Variants in CNTNAP4 observed in about 807,000 individuals in gnomAD.
CNTNAP4 encodes contactin associated protein family member 4.
A neutral mutation model predicts 148.4 loss-of-function variants in CNTNAP4; 98 were observed. The observed-to-expected ratio is 0.66, with a 90% confidence interval of 0.56 to 0.78. CNTNAP4 has a LOEUF of 0.78. Ranked by LOEUF, CNTNAP4 falls within the 30% of genes least tolerant of loss-of-function variation. The pLI is 0.00. For missense variants in CNTNAP4, 1,935 were observed against 1,565.6 expected, an observed-to-expected ratio of 1.24 and a Z score of -3.98; for synonymous variants, 730 against 565.1, an observed-to-expected ratio of 1.29 and a Z score of -4.14.
In CNTNAP4 at chr16:76,521,181, T is replaced by A. The variant is rs767922695; in HGVS notation, c.2407T>A (p.Tyr803Asn). 102 of 1,610,312 alleles carry A rather than the reference T, an allele frequency of 6.3e-5. No individual in the cohort carries two copies. The highest frequency in any genetic ancestry group is 8.4e-5 in the Non-Finnish European group (99 of 1,178,952). ...AGCTTCCTTTGATACCGAGGCTTCA[T>A]ATCTTCATTTTCCTACCTTCCACGG... ...NSASFDTEAS[Y>N]LHFPTFHGEL... The change falls in exon 16 of 24, where the codon TAT becomes AAT. Residue 803 changes from tyrosine to asparagine, a missense_variant. By Grantham distance (143) the Tyr-to-Asn change is moderately radical. Transcript: ENST00000611870.
At chr16:76,349,326 C>T (rs1475846489) in intron 2 of CNTNAP4, among the ~76,000 whole-genome samples, 1 of 152,084 alleles carries the variant, frequency 6.6e-6, no homozygotes, top group Non-Finnish European at 1.5e-5. Flanking sequence ...GGTCACCTGC[C>T]CATCCCTGAA....
At chr16:76,338,974 T>C (rs1381841588) in intron 2 of CNTNAP4, among the ~76,000 whole-genome samples, 1 of 152,176 alleles carries the variant, frequency 6.6e-6, no homozygotes, top group Non-Finnish European at 1.5e-5. Flanking sequence ...CTGATAAATA[T>C]ATTGATCACA....
chr16:76,368,741 C>G (rs1257414308), intron 3 of CNTNAP4, among the ~76,000 whole-genome samples: 1 of 152,108 alleles, frequency 6.6e-6, no homozygotes, highest in African/African-American at 2.4e-5. Flanking sequence ...TTGATGGGTG[C>G]AGCAAACCAC....
At chr16:76,449,068 G>A in intron 6 of CNTNAP4, 117 bp downstream of exon 6, 2 of 972,912 alleles carry the variant, frequency 2.1e-6, no homozygotes, top group Non-Finnish European at 3.1e-6. Flanking sequence ...AACAGGTGAA[G>A]CATTTCCCAA....
At chr16:76,460,684 C>T (rs529670851) in intron 8 of CNTNAP4, among the ~76,000 whole-genome samples, 2 of 135,340 alleles carry the variant, frequency 1.5e-5, no homozygotes, top group Admixed American at 1.6e-4. Context: ...ACCTGGGAGG[C>T]AGAGCTTGCA....
chr16:76,510,901 T>C (rs1418900683), intron 15 of CNTNAP4, among the ~76,000 whole-genome samples: 1 of 152,148 alleles, frequency 6.6e-6, no homozygotes, highest in Admixed American at 6.5e-5. Context: ...TCTGAGGCCA[T>C]ACTGGTTTTT....
intron 3 of CNTNAP4, among the ~76,000 whole-genome samples, chr16:76,403,965 T>C (rs923650545): frequency 3.9e-5 from 6 of 152,052 alleles, no homozygotes; most frequent in Non-Finnish European, 8.8e-5. Context: ...CCAAATACCA[T>C]ATGTTCTTAT....
Position 76,529,635 on chromosome 16 carries a change from A to C in CNTNAP4, c.2756-5910A>C, listed in dbSNP as rs148218922. Among the ~76,000 whole-genome samples the C allele has an allele frequency of 4.6e-3, 705 of 152,288 alleles. 4 individuals are homozygous for C. Among genetic ancestry groups the C allele is most frequent in the African/African-American group, 0.017 (686 of 41,560 alleles). ...CTGACAGGTTTTCAAACGGGGCTAA[A>C]TTTATTTCAGTACTTTGTGACTCTC... On this transcript the variant is annotated intron_variant, in intron 17 of 23. Coordinates refer to ENST00000611870, the MANE Select transcript of CNTNAP4 (RefSeq NM_033401.5).
At chr16:76,297,229 A>T (rs1410271656) in intron 1 of CNTNAP4, among the ~76,000 whole-genome samples, 9 of 152,172 alleles carry the variant, frequency 5.9e-5, no homozygotes, top group South Asian at 2.1e-4. Flanking sequence ...AGATTTCATC[A>T]TTTCTAAAAC....
chr16:76,463,475 G>A (rs573561244), intron 9 of CNTNAP4, among the ~76,000 whole-genome samples: 2 of 152,054 alleles, frequency 1.3e-5, no homozygotes, highest in Admixed American at 6.6e-5. Flanking sequence ...TAATTTTATA[G>A]TAAAATATAT....
intron 3 of CNTNAP4, among the ~76,000 whole-genome samples, chr16:76,394,922 G>A (rs1194777032): frequency 6.6e-6 from 1 of 151,934 alleles, no homozygotes; most frequent in East Asian, 1.9e-4. Flanking sequence ...TTTACTTAGG[G>A]CTCTGTGACT....
chr16:76,378,734 T>C (rs2015678218), intron 3 of CNTNAP4, among the ~76,000 whole-genome samples: 1 of 152,162 alleles, frequency 6.6e-6, no homozygotes, highest in Non-Finnish European at 1.5e-5. Context: ...TAAGATTCCA[T>C]ATAGAACACA....
At chr16:76,510,102 A>C (rs1369030189) in intron 15 of CNTNAP4, among the ~76,000 whole-genome samples, 1 of 41,100 alleles carries the variant, frequency 2.4e-5, no homozygotes, top group Admixed American at 2.9e-4. Flanking sequence ...CATTTTTATC[A>C]CCCCCAAAGT....
rs377391768 is a variant in CNTNAP4, at chr16:76,392,029, C to G, written c.391-35423C>G. Among the ~76,000 whole-genome samples the G allele has an allele frequency of 2.6e-5, 4 of 152,114 alleles. No individual in the cohort carries two copies. In the South Asian group the frequency reaches 8.3e-4, roughly 32 times the overall value. ...TTTTTGAGACAGAGTCTCCCTCTGT[C>G]GCCCAGGCTGGAGTGAAGTGGCACA... is the stretch of plus-strand genomic sequence containing the variant. On this transcript the variant is annotated intron_variant, in intron 3 of 23. Coordinates refer to ENST00000611870, the MANE Select transcript of CNTNAP4 (RefSeq NM_033401.5).
chr16:76,485,104 TTTTTC>T (rs900471156), intron 12 of CNTNAP4, among the ~76,000 whole-genome samples: 1 of 152,250 alleles, frequency 6.6e-6, no homozygotes, highest in African/African-American at 2.4e-5. Flanking sequence ...TCCGTATTGC[TTTTTC>T]TTTTCTTTTC....
At chr16:76,326,129 G>A (rs1962946918) in intron 2 of CNTNAP4, among the ~76,000 whole-genome samples, 1 of 152,102 alleles carries the variant, frequency 6.6e-6, no homozygotes, top group Admixed American at 6.6e-5. Context: ...ATTCAAGGAG[G>A]CCAGCATAAC....
rs146242468 is a variant in CNTNAP4, at chr16:76,522,776, C to CTTTTCT, written c.2755+522_2755+523insTCTTTT. Among the ~76,000 whole-genome samples, 21 of 78,794 alleles carry CTTTTCT rather than the reference C, an allele frequency of 2.7e-4. 1 individual carries two copies. Among genetic ancestry groups the CTTTTCT allele is most frequent in the Non-Finnish European group, 5.2e-4 (18 of 34,594 alleles). 51.7% of individuals were successfully genotyped at this position (78,794 alleles called of 152,430 possible). On this transcript the variant is annotated intron_variant, in intron 17 of 23. Coordinates refer to ENST00000611870, the MANE Select transcript of CNTNAP4 (RefSeq NM_033401.5). ...CTTTTCTTTTCTTTTCTTTTCTTTT[C>CTTTTCT]TTTCTTGACAGAGTCTCGCTCTGTC...
At chr16:76,514,641 T>C (rs1346179492) in intron 15 of CNTNAP4, among the ~76,000 whole-genome samples, 1 of 152,192 alleles carries the variant, frequency 6.6e-6, no homozygotes, top group East Asian at 1.9e-4. Context: ...TTTATATTGC[T>C]CTGCAAACCA....
intron 1 of CNTNAP4, chr16:76,316,098 A>T: frequency 2.4e-6 from 1 of 423,652 alleles, no homozygotes; most frequent in East Asian, 3.6e-5. Context: ...TGGAAACCTT[A>T]AGTATTTAAT....
Sources: allele counts gnomAD v4.1 joint callset (sites outside exome capture counted in the v4.1 genomes callset), GRCh38; gene constraint gnomAD v4.1.1; transcripts MANE v1.5; gene names NCBI Gene and HGNC (gene_info 2026-07-23, HGNC 2026-07-21).